PDE4D: variants seen among roughly 807,000 people sequenced by gnomAD.
PDE4D encodes phosphodiesterase 4D, also known as 3',5'-cyclic-AMP phosphodiesterase 4D.
PDE4D carries 24 observed loss-of-function variants against 87.4 expected under a neutral mutation model. The observed-to-expected ratio is 0.27, with a 90% CI of 0.20 to 0.39. The LOEUF (loss-of-function observed/expected upper bound fraction) is 0.39, where lower values mean the gene tolerates loss of function less well. Among genes scored for constraint, PDE4D ranks in the 10% least tolerant of loss-of-function variants. The pLI is 1.00. For synonymous variants in PDE4D, 384 were observed against 383.2 expected (o/e 1.00, Z -0.02); for missense variants, 714 against 1,041.0 (o/e 0.69, Z 4.32).
chr5:59,630,643 T>C (rs1831449256), intron 1 of PDE4D, among the ~76,000 whole-genome samples: 1 of 152,212 alleles, frequency 6.6e-6, no homozygotes, highest in African/African-American at 2.4e-5. Flanking sequence ...TATAGAAATG[T>C]TCTAAATATG....
At chr5:59,733,595 T>G (rs1757681630) in intron 1 of PDE4D, among the ~76,000 whole-genome samples, 1 of 152,098 alleles carries the variant, frequency 6.6e-6, no homozygotes, top group Non-Finnish European at 1.5e-5. Flanking sequence ...TGAAACAGAG[T>G]TGAAATGTTA....
intron 2 of PDE4D, chr5:60,032,751 T>G (rs989488825): frequency 6.6e-6 from 1 of 152,172 alleles, no homozygotes; most frequent in Non-Finnish European, 1.5e-5. Flanking sequence ...AAATGTTATT[T>G]CTTTCCCTTT....
intron 6 of PDE4D, among the ~76,000 whole-genome samples, chr5:59,001,853 A>G (rs1484164001): frequency 6.6e-6 from 1 of 152,204 alleles, no homozygotes; most frequent in Non-Finnish European, 1.5e-5. Flanking sequence ...TTCTTCCAGT[A>G]TCTCAGATGG....
At chr5:59,768,739 A>T (rs1763131702) in intron 1 of PDE4D, 13 of 1,018,290 alleles carry the variant, frequency 1.3e-5, no homozygotes, top group Middle Eastern at 6.6e-4. Flanking sequence ...CCTGCCAAAG[A>T]TCACTGACAA....
Position 60,299,370 on chromosome 5 carries a change from T to C in PDE4D, c.-89-113683A>G, listed in dbSNP as rs576315021. Reference sequence around the variant, plus strand: ...TGACTGGCTCATAGGTATAGAAAACTAAGAACATATCCTTCTTTTGTTTTT... The same window carrying C: ...TGACTGGCTCATAGGTATAGAAAACCAAGAACATATCCTTCTTTTGTTTTT... On this transcript the variant is annotated intron_variant, in intron 1 of 16. Transcript: ENST00000502484. Among the ~76,000 whole-genome samples the C allele has an allele frequency of 1.2e-4, 18 of 152,330 alleles. No individual in the cohort carries two copies. The South Asian group carries it at 1.4e-3, about 12-fold the overall frequency.
chr5:60,423,734 T>C (rs750048189), intron 1 of PDE4D, among the ~76,000 whole-genome samples: 15 of 152,030 alleles, frequency 9.9e-5, no homozygotes, highest in South Asian at 8.3e-4. Flanking sequence ...CAAAAAACCC[T>C]TCAAAAAATC....
At chr5:60,498,872 C>A (rs757768547) in intron 1 of PDE4D, among the ~76,000 whole-genome samples, 3 of 152,152 alleles carry the variant, frequency 2.0e-5, no homozygotes, top group Non-Finnish European at 2.9e-5. Flanking sequence ...AGATCTCTGA[C>A]AGAAGAACTG....
intron 1 of PDE4D, among the ~76,000 whole-genome samples, chr5:59,851,041 C>T (rs1428978551): frequency 6.6e-5 from 10 of 151,940 alleles, no homozygotes; most frequent in Admixed American, 5.9e-4. Context: ...GAAGTTGGGT[C>T]CTATAACACA....
chr5:59,144,901 G>GTT lies in PDE4D; in HGVS notation c.808+35693_808+35694insAA, dbSNP rs1396529117. Among the ~76,000 whole-genome samples, 6 of 139,294 alleles carry GTT rather than the reference G, an allele frequency of 4.3e-5. No individual in the cohort carries two copies. In the East Asian group the frequency reaches 1.5e-3, roughly 34 times the overall value. The allele number at this position is 139,294 out of a possible 152,430, so 91.4% of individuals were successfully genotyped here. A position where few individuals can be genotyped will look rare whatever the true frequency, so the allele number is the denominator to read the frequency against. ...TTAATAGGGTTTAATGGGGGGGGGGGGGGGAACCATCCAGAAGCTGATTGT... is the reference window on the plus strand; with the variant it reads ...TTAATAGGGTTTAATGGGGGGGGGGGTTGGGGAACCATCCAGAAGCTGATTGT... On this transcript the variant is annotated intron_variant, in intron 5 of 14. Transcript: ENST00000340635.
At chr5:59,102,910 G>A (rs1226905033) in intron 5 of PDE4D, among the ~76,000 whole-genome samples, 1 of 152,100 alleles carries the variant, frequency 6.6e-6, no homozygotes, top group Non-Finnish European at 1.5e-5. Flanking sequence ...CTTAACAGCC[G>A]AATGTTAAGA....
chr5:58,986,929 A>G (rs894767940), intron 11 of PDE4D, among the ~76,000 whole-genome samples: 9 of 149,730 alleles, frequency 6.0e-5, no homozygotes, highest in African/African-American at 2.0e-4. Flanking sequence ...TGCAAAGAAA[A>G]CATACCAGTT....
chr5:60,451,097 C>T (rs970318791), intron 1 of PDE4D, among the ~76,000 whole-genome samples: 2 of 152,052 alleles, frequency 1.3e-5, no homozygotes, highest in African/African-American at 2.4e-5. Context: ...AACTGACACC[C>T]CACAGTTCTG....
rs182762415 is a variant in PDE4D, at chr5:59,929,151, T to G, written c.272+59337A>C. ...AATCTGCAAATGCAGCAGTTTTGCA[T>G]GTACACAGGTGAAGATGAATTTCCT... On this transcript the variant is annotated intron_variant, in intron 3 of 16. Transcript: ENST00000502484. Among the ~76,000 whole-genome samples, 39 of 152,216 alleles carry G rather than the reference T, an allele frequency of 2.6e-4. 1 individual carries two copies. The East Asian group carries it at 6.6e-3, about 26-fold the overall frequency.
chr5:59,226,724 C>T (rs1753850566), intron 1 of PDE4D, among the ~76,000 whole-genome samples: 1 of 152,138 alleles, frequency 6.6e-6, no homozygotes, highest in Non-Finnish European at 1.5e-5. Flanking sequence ...TATTTGGACT[C>T]TTGAGGCAAA....
At chr5:59,065,111 CACACACACACACAT>C (rs1763727076) in intron 5 of PDE4D, among the ~76,000 whole-genome samples, 2 of 118,388 alleles carry the variant, frequency 1.7e-5, no homozygotes, top group South Asian at 2.6e-4. Flanking sequence ...CACACACACA[CACACACACACACAT>C]ATACAATGAA....
chr5:60,211,285 C>T (rs977685139), intron 1 of PDE4D, among the ~76,000 whole-genome samples: 1 of 152,046 alleles, frequency 6.6e-6, no homozygotes, highest in African/African-American at 2.4e-5. Context: ...TTAACCAGTT[C>T]CCAGGAGGCG....
At chr5:60,107,246 T>G (rs1220125054) in intron 2 of PDE4D, among the ~76,000 whole-genome samples, 1 of 152,054 alleles carries the variant, frequency 6.6e-6, no homozygotes, top group African/African-American at 2.4e-5. Flanking sequence ...GCAAATAAAC[T>G]AGAAAATCTA....
At chr5:60,453,796 A>G (rs558529231) in intron 1 of PDE4D, among the ~76,000 whole-genome samples, 1 of 152,158 alleles carries the variant, frequency 6.6e-6, no homozygotes, top group South Asian at 2.1e-4. Flanking sequence ...TGTTTGTCAT[A>G]GTTCTTACTG....
intron 1 of PDE4D, among the ~76,000 whole-genome samples, chr5:59,607,145 T>C (rs1296395856): frequency 6.6e-6 from 1 of 152,166 alleles, no homozygotes; most frequent in African/African-American, 2.4e-5. Flanking sequence ...CCTAACCCTA[T>C]TGATGACTTC....
Sources: gnomAD v4.1 joint callset for allele counts (sites outside exome capture counted in the v4.1 genomes callset) on GRCh38, gnomAD v4.1.1 for gene constraint, MANE v1.5 for transcripts, NCBI Gene and HGNC (gene_info 2026-07-23, HGNC 2026-07-21) for gene names.